Variants in FRMPD4 observed in about 807,000 individuals in gnomAD.
FRMPD4 encodes FERM and PDZ domain-containing protein 4.
A neutral mutation model predicts 94.1 loss-of-function variants in FRMPD4; 22 were observed. That is an observed-to-expected ratio of 0.23 (90% CI 0.17 to 0.33). The LOEUF (loss-of-function observed/expected upper bound fraction) is 0.33, where lower values mean the gene tolerates loss of function less well. Among genes scored for constraint, FRMPD4 ranks in the 10% least tolerant of loss-of-function variants. The pLI is 1.00. For synonymous variants in FRMPD4, 631 were observed against 548.6 expected (o/e 1.15, Z -2.10); for missense variants, 1,111 against 1,339.9 (o/e 0.83, Z 2.67).
At chrX:12,358,088 A>G (rs1310169497) in intron 1 of FRMPD4, among the ~76,000 whole-genome samples, 3 of 112,314 alleles carry the variant, frequency 2.7e-5, no homozygotes, top group African/African-American at 9.7e-5. Context: ...TTACTGCTGA[A>G]TTGTATTTCC....
intron 3 of FRMPD4, among the ~76,000 whole-genome samples, chrX:12,006,513 C>G (rs1220647611): frequency 8.9e-6 from 1 of 111,994 alleles, no homozygotes; most frequent in East Asian, 2.8e-4. Flanking sequence ...AATTTTTGCT[C>G]TTAATTAAAC....
chrX:12,537,279 C>G (rs917956661), intron 2 of FRMPD4, among the ~76,000 whole-genome samples: 12 of 110,958 alleles, frequency 1.1e-4, no homozygotes, highest in Admixed American at 1.9e-4. Flanking sequence ...ATTCATTGCT[C>G]TCTGGCTTTT....
At chrX:12,607,260 A>G (rs1183971714) in intron 2 of FRMPD4, among the ~76,000 whole-genome samples, 1 of 111,086 alleles carries the variant, frequency 9.0e-6, no homozygotes, top group Non-Finnish European at 1.9e-5. Flanking sequence ...ACCTCTCTTC[A>G]TCCATCCCAA....
At chrX:12,423,238 A>AAAATAAATAAAT (rs35361195) in intron 1 of FRMPD4, among the ~76,000 whole-genome samples, 2 of 108,070 alleles carry the variant, frequency 1.9e-5, no homozygotes, top group Non-Finnish European at 3.8e-5. Flanking sequence ...GACGCCGTCT[A>AAAATAAATAAAT]AAATAAATAA....
At chrX:12,234,644 G>A (rs183432964) in intron 1 of FRMPD4, among the ~76,000 whole-genome samples, 3 of 112,100 alleles carry the variant, frequency 2.7e-5, no homozygotes, top group Non-Finnish European at 3.8e-5. Flanking sequence ...CAGGGGTGTT[G>A]AGAAATATCT....
At chrX:12,460,700 C>T (rs1375956859) in intron 1 of FRMPD4, among the ~76,000 whole-genome samples, 1 of 111,455 alleles carries the variant, frequency 9.0e-6, no homozygotes, top group Non-Finnish European at 1.9e-5. Flanking sequence ...ATTTTGTATA[C>T]AAATAATATG....
At chrX:12,360,091 T>C (rs1157390159) in intron 1 of FRMPD4, among the ~76,000 whole-genome samples, 2 of 112,605 alleles carry the variant, frequency 1.8e-5, no homozygotes, top group African/African-American at 6.5e-5. Flanking sequence ...CTTTTATGTT[T>C]GTTTCCCTGG....
At chrX:12,380,930 A>G (rs2056309713) in intron 1 of FRMPD4, among the ~76,000 whole-genome samples, 1 of 112,115 alleles carries the variant, frequency 8.9e-6, no homozygotes, top group Non-Finnish European at 1.9e-5. Flanking sequence ...ATGATTCAGA[A>G]AAATGTTCAC....
intron 3 of FRMPD4, among the ~76,000 whole-genome samples, chrX:12,065,214 G>T (rs1286889660): frequency 2.7e-5 from 3 of 112,042 alleles, no homozygotes; most frequent in African/African-American, 9.7e-5. Context: ...ACAGATTTCT[G>T]TATGAGCTCC....
At chrX:12,156,345 C>T (rs913841924) in intron 1 of FRMPD4, among the ~76,000 whole-genome samples, 2 of 111,458 alleles carry the variant, frequency 1.8e-5, no homozygotes, top group Admixed American at 1.9e-4. Flanking sequence ...GATACCTCTG[C>T]AAAATTGAGA....
chrX:12,092,672 A>G (rs1324521231), intron 3 of FRMPD4, among the ~76,000 whole-genome samples: 1 of 111,632 alleles, frequency 9.0e-6, no homozygotes, highest in African/African-American at 3.3e-5. Flanking sequence ...CCTCATTCCC[A>G]TTCTCATCAT....
intron 2 of FRMPD4, among the ~76,000 whole-genome samples, chrX:12,559,987 G>C (rs1309671861): frequency 9.4e-6 from 1 of 106,153 alleles, no homozygotes; most frequent in East Asian, 2.9e-4. Flanking sequence ...TACAATTACA[G>C]ACTACATTCA....
intron 2 of FRMPD4, among the ~76,000 whole-genome samples, chrX:12,542,423 A>G (rs192152714): frequency 0.015 from 1,702 of 112,265 alleles, 31 homozygotes; most frequent in African/African-American, 0.052. Context: ...CAAAAATCAC[A>G]AGCATTCTTA....
At chrX:12,151,128 C>A (rs1205806668) in intron 1 of FRMPD4, among the ~76,000 whole-genome samples, 1 of 111,136 alleles carries the variant, frequency 9.0e-6, no homozygotes, top group Non-Finnish European at 1.9e-5. Flanking sequence ...TGTGAAAAAG[C>A]AGAAGGAAAT....
upstream of FRMPD4, among the ~76,000 whole-genome samples, chrX:12,133,714 TCA>T (rs1157874253): frequency 1.8e-5 from 2 of 112,469 alleles, no homozygotes; most frequent in Non-Finnish European, 3.8e-5. Context: ...TGGCTACTTT[TCA>T]CCACCTCCTT....
At position 12,650,910 on chromosome X, in the gene FRMPD4, G is replaced by A. The variant is rs137946917; in HGVS notation, c.423-23953G>A. Among the ~76,000 whole-genome samples, 979 of 112,788 alleles carry A rather than the reference G, an allele frequency of 8.7e-3. 7 individuals are homozygous for A. Among genetic ancestry groups the A allele is most frequent in the Middle Eastern group, 0.014 (3 of 216 alleles). ...TTGCAGCAAGTTGACATTCAGCCTG[G>A]CCTTCTGAAATGCTCAGTTTAAAAT... On this transcript the variant is annotated intron_variant, in intron 4 of 16. Transcript: ENST00000675598.
chrX:12,628,622 G>A (rs1261805509), intron 4 of FRMPD4, among the ~76,000 whole-genome samples: 1 of 112,608 alleles, frequency 8.9e-6, no homozygotes, highest in East Asian at 2.8e-4. Flanking sequence ...AAGGCTATCT[G>A]GGGGTTCCCA....
rs113744538 is a variant in FRMPD4 at position 12,498,169 on chromosome X, A to G, written c.42-511A>G. Among the ~76,000 whole-genome samples the G allele has an allele frequency of 3.6e-3, 400 of 112,210 alleles. 2 individuals are homozygous for G. Among genetic ancestry groups the G allele is most frequent in the African/African-American group, 0.011 (335 of 30,924 alleles). On this transcript the variant is annotated intron_variant, in intron 1 of 16. Transcript: ENST00000675598. The stretch of plus-strand genomic sequence containing the variant: ...AAGGCTTTTACAGGCTATGCAGTGA[A>G]TAACTTCATCTGAAGTGAAAGGACC...
At chrX:12,717,386 T>C in intron 15 of FRMPD4, 115 bp from the exon 16 acceptor site, 1 of 561,452 alleles carries the variant, frequency 1.8e-6, no homozygotes, top group Non-Finnish European at 2.9e-6. Flanking sequence ...GAGTCCTTAC[T>C]GAAAAGGGAA....
Sources: allele counts gnomAD v4.1 joint callset (sites outside exome capture counted in the v4.1 genomes callset), GRCh38; gene constraint gnomAD v4.1.1; transcripts MANE v1.5; gene names NCBI Gene and HGNC (gene_info 2026-07-23, HGNC 2026-07-21).